The following DLG2 variants were observed in gnomAD, a reference collection of about 807,000 sequenced individuals.
DLG2 encodes the protein disks large homolog 2.
DLG2 carries 45 observed loss-of-function variants against 132.5 expected under a neutral mutation model. The observed-to-expected ratio is 0.34, with a 90% CI of 0.27 to 0.44. The LOEUF is 0.44. Ranked by LOEUF, DLG2 falls within the 20% of genes least tolerant of loss-of-function variation. DLG2 has a pLI of 1.00. For synonymous variants in DLG2, 424 were observed against 419.6 expected, an observed-to-expected ratio of 1.01 and a Z score of -0.13; for missense variants, 1,045 against 1,196.9, an observed-to-expected ratio of 0.87 and a Z score of 1.87.
At chr11:85,281,946 T>G (rs944844503) in intron 4 of DLG2, among the ~76,000 whole-genome samples, 3 of 151,788 alleles carry the variant, frequency 2.0e-5, no homozygotes, top group Non-Finnish European at 2.9e-5. Context: ...AGCCAAGATA[T>G]GGAATCAATC....
intron 4 of DLG2, among the ~76,000 whole-genome samples, chr11:85,254,689 A>T (rs916705363): frequency 6.6e-6 from 1 of 152,184 alleles, no homozygotes; most frequent in Non-Finnish European, 1.5e-5. Context: ...TCCTCTAAAA[A>T]TCAATTAGCA....
Position 85,552,479 on chromosome 11 carries a change from C to CA in DLG2, c.40+46177dup, listed in dbSNP as rs200386997. ...ACAAATGGTTAAAACAGCACCCTCC[C>CA]AAAAAAAAAGTTTAGAAAAATAAAA... On this transcript the variant is annotated intron_variant, in intron 3 of 27. Transcript: ENST00000376104. 7.6e-3 allele frequency among the ~76,000 whole-genome samples: 1,108 copies of CA among 146,474 alleles called. 17 individuals are homozygous for CA. Among genetic ancestry groups the CA allele is most frequent in the African/African-American group, 0.027 (1,078 of 40,036 alleles).
intron 3 of DLG2, among the ~76,000 whole-genome samples, chr11:85,288,224 T>C (rs982421844): frequency 1.3e-5 from 2 of 152,052 alleles, no homozygotes; most frequent in African/African-American, 4.8e-5. Flanking sequence ...TTCATAAATA[T>C]TAAGATTTAC....
chr11:85,449,918 G>A (rs762415562), intron 3 of DLG2, among the ~76,000 whole-genome samples: 6 of 151,882 alleles, frequency 4.0e-5, no homozygotes, highest in East Asian at 1.9e-4. Flanking sequence ...ACCTGAGGTC[G>A]GGAGTTCGAG....
At chr11:85,174,170 T>A (rs930099876) in intron 4 of DLG2, among the ~76,000 whole-genome samples, 16 of 152,160 alleles carry the variant, frequency 1.1e-4, no homozygotes, top group Admixed American at 1.0e-3. Context: ...GAATATATAT[T>A]CTTCTCATAA....
At chr11:85,109,799 A>G (rs1666098679) in intron 6 of DLG2, among the ~76,000 whole-genome samples, 1 of 152,094 alleles carries the variant, frequency 6.6e-6, no homozygotes, top group African/African-American at 2.4e-5. Flanking sequence ...GTAGCTTGAA[A>G]ACAAAATTTC....
intron 18 of DLG2, among the ~76,000 whole-genome samples, chr11:83,725,726 A>G (rs1482772009): frequency 6.6e-6 from 1 of 152,174 alleles, no homozygotes; most frequent in African/African-American, 2.4e-5. Context: ...TCCTAAAACC[A>G]TTTTCCAGGT....
At chr11:85,078,466 G>A (rs1029349066) in intron 6 of DLG2, among the ~76,000 whole-genome samples, 1 of 151,788 alleles carries the variant, frequency 6.6e-6, no homozygotes, top group Non-Finnish European at 1.5e-5. Flanking sequence ...CTGGAGTGAA[G>A]TGAAGGAAAA....
intron 6 of DLG2, among the ~76,000 whole-genome samples, chr11:85,086,515 C>A (rs1020290780): frequency 1.3e-5 from 2 of 152,060 alleles, no homozygotes; most frequent in African/African-American, 4.8e-5. Flanking sequence ...TAAATGAAGA[C>A]AGAGCAGCCA....
intron 6 of DLG2, among the ~76,000 whole-genome samples, chr11:84,998,017 A>G (rs2057827723): frequency 6.6e-6 from 1 of 152,212 alleles, no homozygotes; most frequent in African/African-American, 2.4e-5. Flanking sequence ...AATATTAAAG[A>G]TAATTATTTT....
intron 6 of DLG2, among the ~76,000 whole-genome samples, chr11:84,838,258 C>A (rs2154003716): frequency 6.6e-6 from 1 of 151,970 alleles, no homozygotes; most frequent in East Asian, 2.0e-4. Context: ...TCAAAGTGTT[C>A]TCCAGCTATT....
At chr11:83,849,484 AT>A (rs1216321603) in intron 16 of DLG2, among the ~76,000 whole-genome samples, 3 of 151,926 alleles carry the variant, frequency 2.0e-5, no homozygotes, top group Non-Finnish European at 4.4e-5. Flanking sequence ...GAAATAAGAC[AT>A]AAATATAGAG....
chr11:84,534,637 T>G lies in DLG2; in HGVS notation c.452A>C (p.Glu151Ala). The G allele has an allele frequency of 1.2e-6, 2 of 1,614,118 alleles. No homozygotes were observed. Among genetic ancestry groups the G allele is most frequent in the Non-Finnish European group, 1.7e-6 (2 of 1,179,964 alleles). The change falls in exon 7 of 28, where the codon GAA becomes GCA. Residue 151 changes from glutamate (E) to alanine (A), a missense_variant. This residue lies in a region of DLG2 where 277 missense variants were observed against 238.2 expected (regional missense o/e 1.16). Coordinates refer to ENST00000376104, the MANE Select transcript of DLG2 (RefSeq NM_001142699.3). ...VRGPELVHVSEKNLSQIENVH... is the reference protein window; with the variant it reads ...VRGPELVHVSAKNLSQIENVH... ...ATTTTCTATTTGAGAGAGGTTCTTT[T>G]CTGATACATGCACGAGTTCTGGGCC...
intron 18 of DLG2, chr11:83,646,889 T>G (rs2068367865): frequency 6.6e-6 from 1 of 152,116 alleles, no homozygotes; most frequent in Admixed American, 6.5e-5. Context: ...TGTTCTCAAT[T>G]AATGGGTGTC....
rs557931313 is a variant in DLG2, at chr11:83,776,079, G to A, written c.1825+10611C>T. The stretch of plus-strand genomic sequence containing the variant: ...TGCACTCCAGCCTGGGTGACAGAGC[G>A]AGACTCTGTCTCAAAAATAAATAAA... On this transcript the variant is annotated intron_variant, in intron 18 of 27. Transcript: ENST00000376104. Among the ~76,000 whole-genome samples the A allele has an allele frequency of 4.3e-3, 648 of 152,036 alleles. 2 individuals carry two copies. Among genetic ancestry groups the A allele is most frequent in the Middle Eastern group, 6.8e-3 (2 of 294 alleles).
chr11:83,523,313 A>T (rs148466697), intron 21 of DLG2, among the ~76,000 whole-genome samples: 17 of 152,302 alleles, frequency 1.1e-4, no homozygotes, highest in Non-Finnish European at 2.1e-4. Context: ...ATCTGATAAA[A>T]CTATACTTGT....
chr11:84,148,881 T>C (rs958670065), intron 9 of DLG2, among the ~76,000 whole-genome samples: 1 of 152,158 alleles, frequency 6.6e-6, no homozygotes, highest in Non-Finnish European at 1.5e-5. Context: ...CCAACATCTA[T>C]TATTTTTTGA....
intron 6 of DLG2, among the ~76,000 whole-genome samples, chr11:84,888,458 C>G (rs1171009383): frequency 6.6e-6 from 1 of 152,056 alleles, no homozygotes; most frequent in African/African-American, 2.4e-5. Flanking sequence ...CTTTTCAGTT[C>G]TTAGGCTTTT....
At chr11:85,104,460 C>T (rs536822578) in intron 6 of DLG2, among the ~76,000 whole-genome samples, 1 of 151,984 alleles carries the variant, frequency 6.6e-6, no homozygotes, top group South Asian at 2.1e-4. Flanking sequence ...GTCACAAAGG[C>T]TGCATATTAC....
Sources: gnomAD v4.1 joint callset for allele counts (sites outside exome capture counted in the v4.1 genomes callset) on GRCh38, gnomAD v4.1.1 for gene constraint, gnomAD v4.1.1 regional missense constraint, MANE v1.5 for transcripts, NCBI Gene and HGNC (gene_info 2026-07-23, HGNC 2026-07-21) for gene names.